Variants in PAM observed in about 807,000 individuals in gnomAD.
PAM encodes peptidylglycine alpha-amidating monooxygenase.
A neutral mutation model predicts 122.1 loss-of-function variants in PAM; 72 were observed. The ratio of observed to expected loss-of-function variants is 0.59; its 90% confidence interval spans 0.49 to 0.72. PAM has a LOEUF of 0.72. Among genes scored for constraint, PAM ranks in the 30% least tolerant of loss-of-function variants. The pLI, the probability that PAM is intolerant of heterozygous loss-of-function variation, is 0.00. For missense variants in PAM, 1,106 were observed against 1,183.7 expected (o/e 0.93, Z 0.96); for synonymous variants, 389 against 404.4 (o/e 0.96, Z 0.46).
intron 14 of PAM, among the ~76,000 whole-genome samples, chr5:102,973,128 G>A (rs951699033): frequency 2.0e-5 from 3 of 152,156 alleles, no homozygotes; most frequent in Admixed American, 6.5e-5. Flanking sequence ...CTCCATAGTC[G>A]TAAGTAATTT....
chr5:102,868,899 A>C (rs781147893), intron 3 of PAM, among the ~76,000 whole-genome samples: 1 of 152,350 alleles, frequency 6.6e-6, no homozygotes, highest in Non-Finnish European at 1.5e-5. Context: ...TGATTATAAA[A>C]AGTCATGGAG....
intron 15 of PAM, among the ~76,000 whole-genome samples, chr5:102,987,879 CAT>C (rs1285318174): frequency 6.6e-6 from 1 of 152,178 alleles, no homozygotes; most frequent in Non-Finnish European, 1.5e-5. Context: ...TCACAATACA[CAT>C]GAGTGACAAT....
intron 1 of PAM, among the ~76,000 whole-genome samples, chr5:102,801,040 T>C (rs1357566128): frequency 6.6e-6 from 1 of 152,162 alleles, no homozygotes; most frequent in Non-Finnish European, 1.5e-5. Context: ...CATTTCTTAC[T>C]TGACAATGGT....
intron 3 of PAM, among the ~76,000 whole-genome samples, chr5:102,900,028 AAGATTT>A (rs1797254850): frequency 6.6e-6 from 1 of 151,578 alleles, no homozygotes; most frequent in Non-Finnish European, 1.5e-5. Flanking sequence ...TGGGTGGTAG[AAGATTT>A]ACATCTCAAA....
intron 1 of PAM, among the ~76,000 whole-genome samples, chr5:102,847,550 T>G (rs1200648381): frequency 2.0e-5 from 3 of 152,158 alleles, no homozygotes; most frequent in Admixed American, 1.3e-4. Flanking sequence ...ATGCAACTCT[T>G]TATTTGGGAA....
At chr5:102,832,318 G>A (rs906842442) in intron 1 of PAM, among the ~76,000 whole-genome samples, 1 of 151,838 alleles carries the variant, frequency 6.6e-6, no homozygotes, top group African/African-American at 2.4e-5. Flanking sequence ...GTAGTTTCAG[G>A]GGGCATGCAT....
chr5:103,029,193 T>C lies in PAM; in HGVS notation c.*128T>C. The C allele has an allele frequency of 1.6e-6, 1 of 641,430 alleles. No homozygotes were observed. The highest frequency in any genetic ancestry group is 2.4e-6 in the Non-Finnish European group (1 of 421,746). The allele number at this position is 641,430 out of a possible 1,614,324, so 39.7% of individuals were successfully genotyped here. ...AGTCTGTGTGGGACTGTACACACTT[T>C]ATTTACTTCGTTTTGGTTAAGTTGG... On this transcript the variant is annotated 3_prime_UTR_variant, in exon 26 of 26. Coordinates refer to ENST00000438793, the MANE Select transcript of PAM (RefSeq NM_001177306.2).
chr5:103,003,299 A>C (rs1777963140), intron 17 of PAM, 150 bp downstream of exon 17: 2 of 528,296 alleles, frequency 3.8e-6, no homozygotes, highest in Non-Finnish European at 6.8e-6. Flanking sequence ...TTTTCTACAT[A>C]GGTGTTTCTA....
At chr5:102,756,376 G>A (rs1408622692) in intron 1 of PAM, among the ~76,000 whole-genome samples, 1 of 152,154 alleles carries the variant, frequency 6.6e-6, no homozygotes, top group Non-Finnish European at 1.5e-5. Flanking sequence ...CAAAGCTATG[G>A]ACCTTACATC....
rs533911273 is a variant in PAM, at chr5:103,025,604, A to G, written c.2689+270A>G. 1.3e-3 allele frequency among the ~76,000 whole-genome samples: 195 copies of G among 152,308 alleles called. 2 individuals carry two copies. The highest frequency in any genetic ancestry group is 4.6e-3 in the African/African-American group (190 of 41,580). On this transcript the variant is annotated intron_variant, in intron 24 of 25. Transcript: ENST00000438793. ...TCTTTTAGCAATTGGCTTAAGTCCA[A>G]TTAATGAGTCCATACGAAATTGTAG...
intron 4 of PAM, among the ~76,000 whole-genome samples, chr5:102,910,539 A>G (rs1801091551): frequency 2.0e-5 from 3 of 151,862 alleles, no homozygotes; most frequent in African/African-American, 7.2e-5. Context: ...CTGAACTGTT[A>G]GCTCCCATTG....
In PAM at chr5:102,774,399, C is replaced by T. The variant is rs538609735; in HGVS notation, c.-374+19051C>T. ...CAGTATAGTGTGGGGATTAAGAGAGCCACTCCAAAGTGAGACTACCTTGCC... is the reference window on the plus strand; with the variant it reads ...CAGTATAGTGTGGGGATTAAGAGAGTCACTCCAAAGTGAGACTACCTTGCC... On this transcript the variant is annotated intron_variant, in intron 1 of 25. Coordinates refer to ENST00000438793, the MANE Select transcript of PAM (RefSeq NM_001177306.2). 5.9e-5 allele frequency among the ~76,000 whole-genome samples: 9 copies of T among 152,104 alleles called. No individual in the cohort carries two copies. The South Asian group carries it at 1.9e-3, about 32-fold the overall frequency.
At chr5:102,937,131 T>C (rs1413955115) in intron 7 of PAM, among the ~76,000 whole-genome samples, 2 of 152,140 alleles carry the variant, frequency 1.3e-5, no homozygotes, top group African/African-American at 4.8e-5. Context: ...AATTTGGCAT[T>C]TGGATTTTAA....
chr5:102,826,841 G>A (rs902207820), intron 1 of PAM, among the ~76,000 whole-genome samples: 4 of 152,168 alleles, frequency 2.6e-5, no homozygotes, highest in Admixed American at 6.5e-5. Context: ...ATTCAGTCTT[G>A]AGGAAGTAAA....
intron 1 of PAM, among the ~76,000 whole-genome samples, chr5:102,789,610 A>C (rs1443877901): frequency 1.3e-5 from 2 of 152,112 alleles, no homozygotes; most frequent in African/African-American, 4.8e-5. Context: ...AGAAGATAGA[A>C]TGCTAGTTGC....
At chr5:102,810,014 A>G (rs920360320) in intron 1 of PAM, among the ~76,000 whole-genome samples, 2 of 152,242 alleles carry the variant, frequency 1.3e-5, no homozygotes, top group African/African-American at 4.8e-5. Flanking sequence ...AAGTAAGTCA[A>G]TATAAACTGT....
chr5:102,998,823 C>G (rs978329476), intron 16 of PAM, among the ~76,000 whole-genome samples: 2 of 152,060 alleles, frequency 1.3e-5, no homozygotes, highest in Non-Finnish European at 2.9e-5. Flanking sequence ...TGCCATTGTG[C>G]CTTTACAAAG....
At chr5:102,973,420 T>C (rs1434054207) in intron 14 of PAM, among the ~76,000 whole-genome samples, 2 of 152,190 alleles carry the variant, frequency 1.3e-5, no homozygotes, top group African/African-American at 4.8e-5. Flanking sequence ...CAGGAAGGCA[T>C]AGAATGCATT....
At chr5:102,780,378 G>A (rs371406937) in intron 1 of PAM, among the ~76,000 whole-genome samples, 1 of 152,056 alleles carries the variant, frequency 6.6e-6, no homozygotes, top group African/African-American at 2.4e-5. Context: ...ACTAAATATT[G>A]TCTTTCTTGA....
Sources: allele counts gnomAD v4.1 joint callset (sites outside exome capture counted in the v4.1 genomes callset), GRCh38; gene constraint gnomAD v4.1.1; transcripts MANE v1.5; gene names NCBI Gene and HGNC (gene_info 2026-07-23, HGNC 2026-07-21).